The following CRTAC1 variants were observed in gnomAD, a reference collection of about 807,000 sequenced individuals.
CRTAC1 encodes the protein cartilage acidic protein 1.
Under a neutral mutation model 67.8 loss-of-function variants are expected in CRTAC1, and 37 were observed. The observed-to-expected ratio is 0.55, with a 90% confidence interval of 0.42 to 0.72. The LOEUF is 0.72. CRTAC1 is among the 30% of genes least tolerant of loss of function. The pLI is 0.00. For synonymous variants in CRTAC1, 348 were observed against 371.0 expected (o/e 0.94, Z 0.71); for missense variants, 780 against 931.6 (o/e 0.84, Z 2.12).
At chr10:97,938,052 A>C (rs975777117) in intron 2 of CRTAC1, among the ~76,000 whole-genome samples, 6 of 152,180 alleles carry the variant, frequency 3.9e-5, no homozygotes, top group Non-Finnish European at 8.8e-5. Flanking sequence ...GGGGATGCTG[A>C]GCAGCTGGCT....
chr10:97,913,053 C>T (rs1012896626), intron 5 of CRTAC1, among the ~76,000 whole-genome samples: 5 of 152,018 alleles, frequency 3.3e-5, no homozygotes, highest in African/African-American at 1.2e-4. Flanking sequence ...CTGCCAAGAG[C>T]ATCCAAGATA....
chr10:97,884,528 T>A lies in CRTAC1; in HGVS notation c.1487-177A>T, dbSNP rs75908274. ...GTCCCTCCTCTCTGGAGCAATGCTGTCCAATAGACCTGTCTGTCTGCAAGG... is the reference window on the plus strand; with the variant it reads ...GTCCCTCCTCTCTGGAGCAATGCTGACCAATAGACCTGTCTGTCTGCAAGG... On this transcript the variant is annotated intron_variant, in intron 11 of 14. Coordinates refer to ENST00000370597, the MANE Select transcript of CRTAC1 (RefSeq NM_018058.7). The A allele has an allele frequency of 6.4e-4, 401 of 624,580 alleles. 3 individuals are homozygous for A. The East Asian group carries it at 0.011, about 17-fold the overall frequency. 38.7% of individuals were successfully genotyped at this position (624,580 alleles called of 1,614,324 possible).
At chr10:97,995,199 A>G (rs1842537500) in intron 2 of CRTAC1, among the ~76,000 whole-genome samples, 1 of 152,198 alleles carries the variant, frequency 6.6e-6, no homozygotes, top group African/African-American at 2.4e-5. Flanking sequence ...TTTGAACTCC[A>G]TGCTCTTCTA....
In CRTAC1 at chr10:97,953,482, G is replaced by C. The variant is rs142895765; in HGVS notation, c.225-17116C>G. On this transcript the variant is annotated intron_variant, in intron 2 of 14. Transcript: ENST00000370597. The stretch of plus-strand genomic sequence containing the variant: ...CCAGGAGGCCAGCAGACCCTCAATG[G>C]AGGTCCCTTAGAGGAACACTGTCTG... Among the ~76,000 whole-genome samples the C allele has an allele frequency of 5.1e-3, 773 of 152,248 alleles. 2 individuals carry two copies. The highest frequency in any genetic ancestry group is 0.01 in the Middle Eastern group (3 of 294).
chr10:97,925,684 G>A (rs2050903508), intron 3 of CRTAC1, among the ~76,000 whole-genome samples: 1 of 138,252 alleles, frequency 7.2e-6, no homozygotes, highest in African/African-American at 2.7e-5. Context: ...AGGGGGGTGG[G>A]TGAGAGTGAG....
chr10:97,995,315 C>T (rs1342382849), intron 2 of CRTAC1, among the ~76,000 whole-genome samples: 4 of 152,180 alleles, frequency 2.6e-5, no homozygotes, highest in African/African-American at 9.7e-5. Flanking sequence ...AACACACACA[C>T]ACACCCCTCC....
intron 2 of CRTAC1, among the ~76,000 whole-genome samples, chr10:97,997,956 G>A (rs925355930): frequency 3.2e-4 from 48 of 152,174 alleles, no homozygotes; most frequent in African/African-American, 1.1e-3. Flanking sequence ...GGAGAGAGCA[G>A]AGAGAATGGA....
In CRTAC1 at chr10:98,030,417, T is replaced by C; in HGVS notation, c.24+32A>G. Reference sequence around the variant, plus strand: ...CAGAGCTGGAGAAACTTTCTCCGCCTTAGGGTGGGGGGCACCGGTGCAGAT... The same window carrying C: ...CAGAGCTGGAGAAACTTTCTCCGCCCTAGGGTGGGGGGCACCGGTGCAGAT... On this transcript the variant is annotated intron_variant, in intron 1 of 14. Transcript: ENST00000370597. The surrounding 1 kb of genome is among the most constrained non-coding windows in gnomAD (Gnocchi z 4.2). 8.1e-7 allele frequency: 1 copy of C among 1,238,268 alleles called. No individual in the cohort carries two copies. Among genetic ancestry groups the C allele is most frequent in the Non-Finnish European group, 1.0e-6 (1 of 978,694 alleles). The allele number at this position is 1,238,268 out of a possible 1,614,324, so 76.7% of individuals were successfully genotyped here. A position where few individuals can be genotyped will look rare whatever the true frequency, so the allele number is the denominator to read the frequency against.
intron 1 of CRTAC1, among the ~76,000 whole-genome samples, chr10:98,024,266 G>A (rs1394336253): frequency 6.6e-6 from 1 of 152,258 alleles, no homozygotes; most frequent in Admixed American, 6.5e-5. Flanking sequence ...AAACAACAGA[G>A]AGGGTCATTT....
At chr10:97,894,544 C>T (rs868386518) in intron 11 of CRTAC1, among the ~76,000 whole-genome samples, 1 of 150,616 alleles carries the variant, frequency 6.6e-6, no homozygotes, top group Non-Finnish European at 1.5e-5. Context: ...TACAGGCATG[C>T]GCCACCACGC....
chr10:97,974,084 C>G (rs2051758584), intron 2 of CRTAC1, among the ~76,000 whole-genome samples: 1 of 152,042 alleles, frequency 6.6e-6, no homozygotes, highest in South Asian at 2.1e-4. Context: ...TTTTATCTCC[C>G]CTCAAAGAAC....
intron 5 of CRTAC1, among the ~76,000 whole-genome samples, chr10:97,913,114 CAGAGAG>C (rs71488844): frequency 1.3e-5 from 2 of 149,300 alleles, no homozygotes; most frequent in South Asian, 2.1e-4. Flanking sequence ...GGAATGGGCA[CAGAGAG>C]AGAGAGAGAG....
intron 9 of CRTAC1, 103 bp downstream of exon 9, chr10:97,896,806 G>A (rs1218899281): frequency 1.3e-5 from 9 of 712,792 alleles, no homozygotes; most frequent in East Asian, 3.1e-5. Context: ...GGACAGGAGT[G>A]GCTCTGCTGT....
chr10:97,993,300 T>A (rs561073101), intron 2 of CRTAC1, among the ~76,000 whole-genome samples: 11 of 152,332 alleles, frequency 7.2e-5, no homozygotes, highest in African/African-American at 2.6e-4. Flanking sequence ...CAGTTTTTCA[T>A]CATAGAAAAG....
At chr10:97,995,108 A>C (rs1329004901) in intron 2 of CRTAC1, among the ~76,000 whole-genome samples, 1 of 152,196 alleles carries the variant, frequency 6.6e-6, no homozygotes, top group African/African-American at 2.4e-5. Flanking sequence ...ATCTTTTCTG[A>C]TGTGCACAGT....
intron 4 of CRTAC1, among the ~76,000 whole-genome samples, chr10:97,920,560 G>A (rs779625703): frequency 6.6e-5 from 10 of 152,152 alleles, no homozygotes; most frequent in Non-Finnish European, 1.3e-4. Flanking sequence ...GGTCTGGCGT[G>A]AGCCATGAGA....
In CRTAC1 at chr10:98,030,323, C is replaced by A; in HGVS notation, c.24+126G>T. The A allele has an allele frequency of 1.7e-6, 1 of 571,928 alleles. No homozygotes were observed. The highest frequency in any genetic ancestry group is 3.5e-5 in the East Asian group (1 of 28,372). 35.4% of individuals were successfully genotyped at this position (571,928 alleles called of 1,614,324 possible). On this transcript the variant is annotated intron_variant, in intron 1 of 14. Transcript: ENST00000370597. This position sits in a 1 kb window ranked among gnomAD's most constrained non-coding sequence, Gnocchi z 4.2. Reference sequence around the variant, plus strand: ...GTTAGGAGCGAAGCCGCCGCCTTCGCGATCCCAGTCTTCCCGGGTTCCCGG... The same window carrying A: ...GTTAGGAGCGAAGCCGCCGCCTTCGAGATCCCAGTCTTCCCGGGTTCCCGG...
chr10:98,025,183 T>C (rs73334681), intron 1 of CRTAC1, among the ~76,000 whole-genome samples: 5,569 of 152,114 alleles, frequency 0.037, 354 homozygotes, highest in African/African-American at 0.12. Flanking sequence ...ACCTCTAATG[T>C]GCTGTGATTC....
At chr10:98,028,804 T>C (rs1361676990) in intron 1 of CRTAC1, among the ~76,000 whole-genome samples, 3 of 152,090 alleles carry the variant, frequency 2.0e-5, no homozygotes, top group African/African-American at 7.2e-5. Flanking sequence ...CCATAAAATA[T>C]CTCCAGGCTG....
Sources: allele counts gnomAD v4.1 joint callset (sites outside exome capture counted in the v4.1 genomes callset), GRCh38; gene constraint gnomAD v4.1.1; non-coding constraint Gnocchi (gnomAD v3.1); transcripts MANE v1.5; gene names NCBI Gene and HGNC (gene_info 2026-07-23, HGNC 2026-07-21).